Variants in EYA2 observed in about 807,000 individuals in gnomAD.
EYA2 encodes the protein protein phosphatase EYA2.
EYA2 carries 31 observed loss-of-function variants against 69.2 expected under a neutral mutation model. The observed-to-expected ratio is 0.45, with a 90% CI of 0.34 to 0.60. The LOEUF (loss-of-function observed/expected upper bound fraction) is 0.60, where lower values mean the gene tolerates loss of function less well. Among genes scored for constraint, EYA2 ranks in the 20% least tolerant of loss-of-function variants. EYA2 has a pLI of 0.02. For missense variants in EYA2, 622 were observed against 701.2 expected (o/e 0.89, Z 1.28); for synonymous variants, 257 against 279.4 (o/e 0.92, Z 0.80).
At chr20:47,059,464 C>T (rs1038000959) in intron 5 of EYA2, among the ~76,000 whole-genome samples, 4 of 152,292 alleles carry the variant, frequency 2.6e-5, no homozygotes, top group East Asian at 3.9e-4. Context: ...AATTCTCCTG[C>T]CTCAGCCTCC....
At chr20:47,085,773 C>T (rs2031875691) in intron 7 of EYA2, among the ~76,000 whole-genome samples, 1 of 152,266 alleles carries the variant, frequency 6.6e-6, no homozygotes, top group East Asian at 1.9e-4. Flanking sequence ...TTGTTTAAAC[C>T]TCTAGAAAAT....
chr20:47,071,762 C>G (rs750180985), intron 5 of EYA2: 17 of 175,420 alleles, frequency 9.7e-5, no homozygotes, highest in Non-Finnish European at 1.1e-4. Context: ...CCATCCCAGC[C>G]TGTCAGACCT....
At chr20:47,125,768 T>A (rs2033174102) in intron 9 of EYA2, among the ~76,000 whole-genome samples, 1 of 152,248 alleles carries the variant, frequency 6.6e-6, no homozygotes, top group Admixed American at 6.5e-5. Context: ...CTTTTCTTCC[T>A]TGTGGCAGAG....
At chr20:46,956,929 G>T (rs1979158652) in intron 1 of EYA2, among the ~76,000 whole-genome samples, 1 of 152,208 alleles carries the variant, frequency 6.6e-6, no homozygotes, top group African/African-American at 2.4e-5. Flanking sequence ...ATCAGATCTT[G>T]TGAGACTTAT....
At chr20:46,918,254 G>C (rs1300563475) in intron 1 of EYA2, among the ~76,000 whole-genome samples, 1 of 152,044 alleles carries the variant, frequency 6.6e-6, no homozygotes, top group African/African-American at 2.4e-5. Context: ...CCAGGAGGCG[G>C]AGCTTGCAGT....
intron 1 of EYA2, among the ~76,000 whole-genome samples, chr20:46,956,761 C>T (rs1391978365): frequency 6.6e-6 from 1 of 152,204 alleles, no homozygotes; most frequent in Non-Finnish European, 1.5e-5. Context: ...AGTCTGTTCT[C>T]ACGCTGCTAA....
chr20:47,006,176 G>A (rs1982701808), intron 4 of EYA2, among the ~76,000 whole-genome samples: 1 of 152,224 alleles, frequency 6.6e-6, no homozygotes, highest in South Asian at 2.1e-4. Context: ...ACTTCCTGCA[G>A]AGTCCCAGGA....
chr20:47,062,357 C>T (rs2030925811), intron 5 of EYA2, among the ~76,000 whole-genome samples: 1 of 152,154 alleles, frequency 6.6e-6, no homozygotes, highest in Non-Finnish European at 1.5e-5. Context: ...TGAACAGGCC[C>T]CTCTGGAGTG....
chr20:47,181,452 A>G (rs2034535999), intron 14 of EYA2, among the ~76,000 whole-genome samples: 1 of 152,188 alleles, frequency 6.6e-6, no homozygotes, highest in Non-Finnish European at 1.5e-5. Context: ...ATTACATTCT[A>G]CTCACTTCCT....
chr20:47,016,584 G>A (rs1291185003), intron 5 of EYA2, among the ~76,000 whole-genome samples: 1 of 152,212 alleles, frequency 6.6e-6, no homozygotes, highest in Non-Finnish European at 1.5e-5. Flanking sequence ...GCACTTGGGA[G>A]GTCAGGAAAG....
intron 9 of EYA2, among the ~76,000 whole-genome samples, chr20:47,122,490 G>A (rs2033079939): frequency 1.3e-5 from 2 of 151,748 alleles, no homozygotes; most frequent in South Asian, 2.1e-4. Flanking sequence ...AGTAGAGATG[G>A]GGTTTCACCG....
chr20:46,998,720 G>A (rs1982180868), intron 2 of EYA2, among the ~76,000 whole-genome samples: 1 of 152,184 alleles, frequency 6.6e-6, no homozygotes, highest in Non-Finnish European at 1.5e-5. Flanking sequence ...AGAAAGGGAG[G>A]CAGAAGATCA....
intron 5 of EYA2, among the ~76,000 whole-genome samples, chr20:47,042,726 C>T (rs1261401064): frequency 6.6e-6 from 1 of 152,184 alleles, no homozygotes; most frequent in African/African-American, 2.4e-5. Context: ...TATACTTGGA[C>T]TTAGCTTTTT....
intron 1 of EYA2, among the ~76,000 whole-genome samples, chr20:46,913,449 G>A (rs1345259810): frequency 6.6e-6 from 1 of 152,176 alleles, no homozygotes; most frequent in Non-Finnish European, 1.5e-5. Context: ...AGTGAGGTGG[G>A]AGTCCCTGGA....
At chr20:47,092,004 A>G (rs1454157351) in intron 8 of EYA2, among the ~76,000 whole-genome samples, 1 of 152,166 alleles carries the variant, frequency 6.6e-6, no homozygotes. Flanking sequence ...ACAATGGGGA[A>G]GGAAAACTAG....
At chr20:47,047,869 C>T (rs769373906) in intron 5 of EYA2, among the ~76,000 whole-genome samples, 3 of 151,958 alleles carry the variant, frequency 2.0e-5, no homozygotes, top group Non-Finnish European at 2.9e-5. Context: ...TGGGAGGATT[C>T]ATTTTCCCTG....
At position 47,130,261 on chromosome 20, in the gene EYA2, C is replaced by CTTTT. The variant is rs74178703; in HGVS notation, c.889-12780_889-12777dup. On this transcript the variant is annotated intron_variant, in intron 9 of 15. Transcript: ENST00000327619. ...AAAGAAATAAAAGAAGGTTTATTTT[C>CTTTT]TTTTTTTTTTTTTTTTTTTTTGAGA... Among the ~76,000 whole-genome samples, 36 of 81,260 alleles carry CTTTT rather than the reference C, an allele frequency of 4.4e-4. 7 individuals carry two copies. The highest frequency in any genetic ancestry group is 6.9e-4 in the African/African-American group (12 of 17,378). 53.3% of individuals were successfully genotyped at this position (81,260 alleles called of 152,430 possible).
chr20:47,031,484 G>C (rs919742118), intron 5 of EYA2, among the ~76,000 whole-genome samples: 4 of 152,182 alleles, frequency 2.6e-5, no homozygotes, highest in Non-Finnish European at 5.9e-5. Context: ...CCTGTCCCTA[G>C]CTCTCCCTTC....
At chr20:47,104,944 C>T (rs1423793575) in intron 9 of EYA2, among the ~76,000 whole-genome samples, 3 of 152,136 alleles carry the variant, frequency 2.0e-5, no homozygotes, top group Non-Finnish European at 4.4e-5. Flanking sequence ...TTCCTTGAAC[C>T]CGGGAGGTGG....
Sources: gnomAD v4.1 joint callset for allele counts (sites outside exome capture counted in the v4.1 genomes callset) on GRCh38, gnomAD v4.1.1 for gene constraint, MANE v1.5 for transcripts, NCBI Gene and HGNC (gene_info 2026-07-23, HGNC 2026-07-21) for gene names.